HIVEP3: variants seen among roughly 807,000 people sequenced by gnomAD.
HIVEP3 encodes the protein HIVEP zinc finger 3.
Under a neutral mutation model 152.8 loss-of-function variants are expected in HIVEP3, and 49 were observed. The ratio of observed to expected loss-of-function variants is 0.32; its 90% CI spans 0.26 to 0.41. HIVEP3 has a LOEUF of 0.41. Ranked by LOEUF, HIVEP3 falls within the 10% of genes least tolerant of loss-of-function variation. The probability of loss-of-function intolerance (pLI) is 1.00; values close to 1 mark genes in which losing one functional copy is unlikely to be tolerated. For missense variants in HIVEP3, 2,790 were observed against 3,103.3 expected (o/e 0.90, Z 2.40); for synonymous variants, 1,269 against 1,289.0 (o/e 0.98, Z 0.33).
intron 5 of HIVEP3, among the ~76,000 whole-genome samples, chr1:41,551,745 T>A (rs1308502271): frequency 6.6e-6 from 1 of 152,244 alleles, no homozygotes; most frequent in Non-Finnish European, 1.5e-5. Flanking sequence ...CATTTTTTAT[T>A]GCGTCTATTT....
intron 1 of HIVEP3, among the ~76,000 whole-genome samples, chr1:41,755,437 G>C (rs536054995): frequency 6.6e-6 from 1 of 151,554 alleles, no homozygotes; most frequent in African/African-American, 2.4e-5. Flanking sequence ...ATCCATAAAA[G>C]AAAAAAAATC....
intron 1 of HIVEP3, among the ~76,000 whole-genome samples, chr1:42,022,443 A>T (rs965254636): frequency 2.0e-5 from 3 of 152,098 alleles, no homozygotes; most frequent in Non-Finnish European, 2.9e-5. Flanking sequence ...CCCAATTACC[A>T]CATCTGGAAG....
chr1:41,988,265 G>A (rs1198494335), intron 1 of HIVEP3, among the ~76,000 whole-genome samples: 2 of 152,124 alleles, frequency 1.3e-5, no homozygotes, highest in Non-Finnish European at 2.9e-5. Flanking sequence ...CTTATGCACA[G>A]CAAAGGAAAT....
intron 1 of HIVEP3, among the ~76,000 whole-genome samples, chr1:41,750,233 A>T (rs1417948766): frequency 6.6e-6 from 1 of 152,012 alleles, no homozygotes; most frequent in Non-Finnish European, 1.5e-5. Context: ...AACCTACAAC[A>T]CCTCGCCAGA....
chr1:42,000,996 A>T (rs1465765500), intron 1 of HIVEP3, among the ~76,000 whole-genome samples: 1 of 152,208 alleles, frequency 6.6e-6, no homozygotes, highest in Non-Finnish European at 1.5e-5. Flanking sequence ...CAACAACCCC[A>T]TGAAGCATGA....
intron 1 of HIVEP3, among the ~76,000 whole-genome samples, chr1:41,981,103 T>C (rs931346982): frequency 6.6e-6 from 1 of 152,110 alleles, no homozygotes; most frequent in African/African-American, 2.4e-5. Context: ...GGGTGAGCTC[T>C]GGCAAGCTGG....
chr1:41,915,407 T>C (rs766677760), intron 1 of HIVEP3, among the ~76,000 whole-genome samples: 4 of 152,212 alleles, frequency 2.6e-5, no homozygotes, highest in Non-Finnish European at 4.4e-5. Flanking sequence ...TCTTACTTCT[T>C]ACTGATACTT....
At chr1:42,021,755 A>G (rs973635493) in intron 1 of HIVEP3, among the ~76,000 whole-genome samples, 1 of 152,204 alleles carries the variant, frequency 6.6e-6, no homozygotes, top group African/African-American at 2.4e-5. Flanking sequence ...AGGAATGTCC[A>G]GTGAGGGGAA....
At chr1:41,795,751 G>A (rs1649947654) in intron 1 of HIVEP3, among the ~76,000 whole-genome samples, 1 of 152,172 alleles carries the variant, frequency 6.6e-6, no homozygotes, top group African/African-American at 2.4e-5. Context: ...AGTTTTGGCT[G>A]TTGAGAGCTC....
At position 41,662,854 on chromosome 1, in the gene HIVEP3, C is replaced by T. The variant is rs904943432; in HGVS notation, c.-720-33907G>A. On this transcript the variant is annotated intron_variant, in intron 2 of 8. Coordinates refer to ENST00000372583, the MANE Select transcript of HIVEP3 (RefSeq NM_024503.5). This position sits in a 1 kb window ranked among gnomAD's most constrained non-coding sequence, Gnocchi z 7.2. ...CCCGGGCCCAGCGGGAGTCCATCGC[C>T]GTCCCCAAAGTGTGCGCTCCCCGCC... Among the ~76,000 whole-genome samples the T allele has an allele frequency of 1.3e-5, 2 of 152,162 alleles. No individual in the cohort carries two copies. The highest frequency in any genetic ancestry group is 3.9e-4 in the East Asian group (2 of 5,178).
chr1:41,556,299 T>A (rs1055045783), intron 5 of HIVEP3, among the ~76,000 whole-genome samples: 4 of 152,250 alleles, frequency 2.6e-5, no homozygotes, highest in African/African-American at 9.6e-5. Context: ...TTATTTTCCA[T>A]GTTTTTGATA....
At chr1:41,844,022 T>G (rs28681574) in intron 1 of HIVEP3, among the ~76,000 whole-genome samples, 1 of 152,134 alleles carries the variant, frequency 6.6e-6, no homozygotes. Flanking sequence ...TTGCTCCACA[T>G]GGGACAATGT....
intron 1 of HIVEP3, among the ~76,000 whole-genome samples, chr1:41,958,779 G>T (rs1316216332): frequency 6.6e-6 from 1 of 152,192 alleles, no homozygotes; most frequent in Non-Finnish European, 1.5e-5. Context: ...AGAGAAAAGT[G>T]GCCCGTGGTA....
At chr1:41,757,026 C>A (rs6703158) in intron 1 of HIVEP3, among the ~76,000 whole-genome samples, 129,594 of 151,496 alleles carry the variant, frequency 0.86, 58,268 homozygotes, top group Non-Finnish European at 1. Context: ...AAGAGGAGGG[C>A]GGATCACTTG....
At chr1:41,967,100 T>C (rs906907003) in intron 1 of HIVEP3, among the ~76,000 whole-genome samples, 2 of 152,138 alleles carry the variant, frequency 1.3e-5, no homozygotes, top group Non-Finnish European at 2.9e-5. Context: ...ACAATAATAG[T>C]GGGAGACATT....
At chr1:41,690,313 C>T (rs1272084050) in intron 2 of HIVEP3, among the ~76,000 whole-genome samples, 2 of 152,176 alleles carry the variant, frequency 1.3e-5, no homozygotes, top group Non-Finnish European at 2.9e-5. Context: ...ATGGCTGGCT[C>T]AAGGGGCAGG....
intron 1 of HIVEP3, among the ~76,000 whole-genome samples, chr1:41,799,042 C>T (rs929310318): frequency 6.6e-6 from 1 of 152,218 alleles, no homozygotes; most frequent in Non-Finnish European, 1.5e-5. Context: ...CTTTTCTTTA[C>T]TGCAGAACTT....
intron 1 of HIVEP3, among the ~76,000 whole-genome samples, chr1:42,020,542 T>C (rs1041963581): frequency 1.3e-5 from 2 of 152,206 alleles, no homozygotes; most frequent in African/African-American, 2.4e-5. Flanking sequence ...TCTCCTAAAA[T>C]GTCTAACTAG....
intron 1 of HIVEP3, among the ~76,000 whole-genome samples, chr1:41,930,181 A>G (rs1644989586): frequency 6.6e-6 from 1 of 152,146 alleles, no homozygotes. Flanking sequence ...GGCAAAATTT[A>G]CACTTTATGG....
Sources: gnomAD v4.1 joint callset for allele counts (sites outside exome capture counted in the v4.1 genomes callset) on GRCh38, gnomAD v4.1.1 for gene constraint, Gnocchi (gnomAD v3.1) non-coding constraint, MANE v1.5 for transcripts, NCBI Gene and HGNC (gene_info 2026-07-23, HGNC 2026-07-21) for gene names.